PGS1: variants seen among roughly 807,000 people sequenced by gnomAD.
PGS1 encodes CDP-diacylglycerol--glycerol-3-phosphate 3-phosphatidyltransferase, mitochondrial.
A neutral mutation model predicts 58.3 loss-of-function variants in PGS1; 44 were observed. The observed-to-expected ratio is 0.75, with a 90% CI of 0.59 to 0.97. PGS1 has a LOEUF of 0.97. Among genes scored for constraint, PGS1 ranks in the 50% least tolerant of loss-of-function variants. The pLI is 0.00. For synonymous variants in PGS1, 330 were observed against 311.0 expected, an observed-to-expected ratio of 1.06 and a Z score of -0.64; for missense variants, 684 against 731.1, an observed-to-expected ratio of 0.94 and a Z score of 0.74.
In PGS1 at chr17:78,400,801, C is replaced by T. The variant is rs764176119; in HGVS notation, c.826C>T (p.Leu276=). ...VDAVGDVSLQ[L]QGDDTVQVVD... ...CGCGGTGGGGGATGTGTCCCTGCAGCTGCAGGGGGACGACACGGTGCAGGT... is the reference window on the plus strand; with the variant it reads ...CGCGGTGGGGGATGTGTCCCTGCAGTTGCAGGGGGACGACACGGTGCAGGT... Residue 276 remains leucine, a synonymous_variant, in exon 6 of 10, where the codon CTG becomes TTG. Transcript: ENST00000262764. This position sits in a 1 kb window ranked among gnomAD's most constrained non-coding sequence, Gnocchi z 4.4. 2.7e-5 allele frequency: 43 copies of T among 1,613,582 alleles called. No homozygotes were observed. The highest frequency in any genetic ancestry group is 4.0e-5 in the African/African-American group (3 of 74,884).
intron 8 of PGS1, among the ~76,000 whole-genome samples, chr17:78,419,069 G>T (rs1475574653): frequency 6.6e-6 from 1 of 151,910 alleles, no homozygotes; most frequent in Non-Finnish European, 1.5e-5. Context: ...GATTGCAGTG[G>T]CAGCATCACA....
chr17:78,398,483 T>C, intron 4 of PGS1, 132 bp downstream of exon 4: 1 of 676,308 alleles, frequency 1.5e-6, no homozygotes, highest in South Asian at 1.7e-5. Context: ...GGCCCAGGGC[T>C]GCCTGATTGT....
At chr17:78,389,053 CTTTTTTT>C (rs5822252) in intron 1 of PGS1, among the ~76,000 whole-genome samples, 148 of 96,002 alleles carry the variant, frequency 1.5e-3, no homozygotes, top group African/African-American at 2.8e-3. Context: ...CCTCTTCTTC[CTTTTTTT>C]TTTTTTTTTT....
intron 9 of PGS1, 24 bp from the exon 10 acceptor site, chr17:78,424,031 AGATGTT>A (rs753237288): frequency 1.3e-5 from 21 of 1,613,932 alleles, no homozygotes; most frequent in Non-Finnish European, 1.7e-5. Flanking sequence ...GGACACTCAT[AGATGTT>A]CTTGGTCTCC....
intron 7 of PGS1, among the ~76,000 whole-genome samples, chr17:78,407,278 C>G (rs1246420411): frequency 6.6e-6 from 1 of 152,184 alleles, no homozygotes; most frequent in Non-Finnish European, 1.5e-5. Flanking sequence ...AACCAGAGGT[C>G]AGAGGTCACT....
intron 9 of PGS1, chr17:78,421,713 C>T (rs1040025243): frequency 6.6e-6 from 1 of 152,246 alleles, no homozygotes; most frequent in Non-Finnish European, 1.5e-5. Flanking sequence ...TCTGTGGGAC[C>T]AGAGTAAATA....
intron 7 of PGS1, among the ~76,000 whole-genome samples, chr17:78,411,033 G>C (rs2084642087): frequency 6.6e-6 from 1 of 152,182 alleles, no homozygotes; most frequent in Non-Finnish European, 1.5e-5. Flanking sequence ...GCAAGAGAAG[G>C]CTCCAGGCTG....
At chr17:78,423,047 G>A (rs904344622) in intron 9 of PGS1, among the ~76,000 whole-genome samples, 22 of 151,118 alleles carry the variant, frequency 1.5e-4, no homozygotes, top group East Asian at 1.9e-4. Context: ...AACGTGAGCC[G>A]AGATTGCGTC....
chr17:78,401,987 C>T (rs1049583059), intron 6 of PGS1, among the ~76,000 whole-genome samples: 1 of 152,176 alleles, frequency 6.6e-6, no homozygotes, highest in Non-Finnish European at 1.5e-5. Flanking sequence ...CGAGCAGGAG[C>T]GGGGAGACTC....
intron 1 of PGS1, among the ~76,000 whole-genome samples, chr17:78,386,905 C>T (rs1773426096): frequency 6.6e-6 from 1 of 152,124 alleles, no homozygotes; most frequent in Non-Finnish European, 1.5e-5. Context: ...AGAGCAAGAA[C>T]TGGCTCCTTC....
chr17:78,405,334 G>A (rs1462253719), intron 7 of PGS1, among the ~76,000 whole-genome samples: 1 of 152,188 alleles, frequency 6.6e-6, no homozygotes, highest in Non-Finnish European at 1.5e-5. Flanking sequence ...ATTCATTAGG[G>A]ATCATTTGTT....
intron 9 of PGS1, chr17:78,421,408 C>CA (rs2085732002): frequency 9.7e-6 from 1 of 103,302 alleles, no homozygotes; most frequent in Non-Finnish European, 2.2e-5. Context: ...GTCACTGTCA[C>CA]CCTTCATGGG....
chr17:78,390,790 G>C (rs951676096), intron 1 of PGS1, among the ~76,000 whole-genome samples: 2 of 152,168 alleles, frequency 1.3e-5, no homozygotes, highest in Admixed American at 1.3e-4. Flanking sequence ...TCTGTGGGCA[G>C]AAATTCATCT....
chr17:78,415,372 T>A (rs2085090305), intron 8 of PGS1, among the ~76,000 whole-genome samples: 1 of 152,218 alleles, frequency 6.6e-6, no homozygotes. Flanking sequence ...GGCTCATGCC[T>A]GTAATCCCAG....
Position 78,396,505 on chromosome 17 carries a change from G to C in PGS1, c.411+120G>C, listed in dbSNP as rs540850382. The C allele has an allele frequency of 2.4e-5, 17 of 717,166 alleles. No individual in the cohort carries two copies. In the South Asian group the frequency reaches 3.1e-4, roughly 13 times the overall value. The allele number at this position is 717,166 out of a possible 1,614,324, so 44.4% of individuals were successfully genotyped here. ...TTCCTTGGCCTCCATGTCAGAGCCA[G>C]CTCTTGTTTTTGTTGCCCCAGATAT... On this transcript the variant is annotated intron_variant, in intron 3 of 9. Transcript: ENST00000262764.
intron 7 of PGS1, among the ~76,000 whole-genome samples, chr17:78,410,412 A>G (rs986458651): frequency 3.4e-5 from 5 of 148,606 alleles, no homozygotes; most frequent in Non-Finnish European, 6.0e-5. Context: ...CTGGGTGACA[A>G]GACGAAACTC....
chr17:78,382,223 C>G (rs566560386), intron 1 of PGS1, among the ~76,000 whole-genome samples: 1 of 152,010 alleles, frequency 6.6e-6, no homozygotes, highest in African/African-American at 2.4e-5. Flanking sequence ...CTAGGGGTAC[C>G]GAGTAGGGGA....
intron 7 of PGS1, among the ~76,000 whole-genome samples, chr17:78,407,295 T>A (rs764726024): frequency 2.1e-4 from 32 of 152,164 alleles, no homozygotes; most frequent in Admixed American, 1.2e-3. Context: ...CACTTGATGC[T>A]GAAGTGAGAG....
chr17:78,410,271 A>G (rs2084526655), intron 7 of PGS1, among the ~76,000 whole-genome samples: 1 of 151,950 alleles, frequency 6.6e-6, no homozygotes, highest in Non-Finnish European at 1.5e-5. Context: ...TCTACTAAAA[A>G]TACAAAAATT....
Sources: allele counts gnomAD v4.1 joint callset (sites outside exome capture counted in the v4.1 genomes callset), GRCh38; gene constraint gnomAD v4.1.1; non-coding constraint Gnocchi (gnomAD v3.1); transcripts MANE v1.5; gene names NCBI Gene and HGNC (gene_info 2026-07-23, HGNC 2026-07-21).